The following ADGRG7 variants were observed in gnomAD, a reference collection of about 807,000 sequenced individuals.
The protein encoded by ADGRG7 is G-protein coupled receptor 128.
Under a neutral mutation model 88.6 loss-of-function variants are expected in ADGRG7, and 82 were observed. The observed-to-expected ratio is 0.93, with a 90% CI of 0.77 to 1.11. The LOEUF is 1.11. Among genes scored for constraint, ADGRG7 ranks in the 50% most tolerant of loss-of-function variants. ADGRG7 has a pLI of 0.00. For missense variants in ADGRG7, 945 were observed against 953.4 expected (o/e 0.99, Z 0.12); for synonymous variants, 381 against 345.2 (o/e 1.10, Z -1.15).
chr3:100,657,122 C>G (rs1188451837), intron 13 of ADGRG7, among the ~76,000 whole-genome samples: 1 of 152,114 alleles, frequency 6.6e-6, no homozygotes, highest in African/African-American at 2.4e-5. Context: ...CAGCTCCTTT[C>G]CTGATTACGG....
Position 100,643,400 on chromosome 3 carries a change from A to C in ADGRG7, c.833A>C (p.Gln278Pro). Reference sequence around the variant, plus strand: ...CCTTCAAATGTTCGCTTCTCTGTGCAGAAAGGTGAGCTGTTAATCTTATGT... The same window carrying C: ...CCTTCAAATGTTCGCTTCTCTGTGCCGAAAGGTGAGCTGTTAATCTTATGT... ...VGPSNVRFSVQKGASSSLVSS... is the reference protein window; with the variant it reads ...VGPSNVRFSVPKGASSSLVSS... The change falls in exon 7 of 16, where the codon CAG becomes CCG. Residue 278 changes from glutamine to proline, a missense_variant. Physicochemically the swap from Gln to Pro is moderately conservative, Grantham distance 76. Transcript: ENST00000273352. 2 of 1,613,932 alleles carry C rather than the reference A, an allele frequency of 1.2e-6. No individual in the cohort carries two copies. Among genetic ancestry groups the C allele is most frequent in the South Asian group, 1.1e-5 (1 of 91,034 alleles).
At chr3:100,621,970 T>C (rs1559670412) in intron 1 of ADGRG7, among the ~76,000 whole-genome samples, 1 of 152,200 alleles carries the variant, frequency 6.6e-6, no homozygotes, top group African/African-American at 2.4e-5. Flanking sequence ...CATTGGGTAT[T>C]AGACTCTCAT....
At chr3:100,667,883 C>T (rs535099799) in intron 14 of ADGRG7, among the ~76,000 whole-genome samples, 10 of 152,194 alleles carry the variant, frequency 6.6e-5, no homozygotes, top group Admixed American at 2.6e-4. Flanking sequence ...CCCAATTGGC[C>T]GCCCAGTTTT....
intron 15 of ADGRG7, among the ~76,000 whole-genome samples, chr3:100,691,264 C>A (rs2094993277): frequency 6.6e-6 from 1 of 152,186 alleles, no homozygotes; most frequent in African/African-American, 2.4e-5. Context: ...CCGTCTGTCA[C>A]CCCTTTCTTT....
At chr3:100,645,607 T>C (rs778815241) in intron 8 of ADGRG7, among the ~76,000 whole-genome samples, 10 of 152,212 alleles carry the variant, frequency 6.6e-5, no homozygotes, top group Non-Finnish European at 7.3e-5. Flanking sequence ...TTGTGTTCAC[T>C]CTCTCCATCT....
At chr3:100,638,783 G>A (rs1340706663) in intron 6 of ADGRG7, among the ~76,000 whole-genome samples, 1 of 151,830 alleles carries the variant, frequency 6.6e-6, no homozygotes, top group Non-Finnish European at 1.5e-5. Flanking sequence ...GATTACTGTT[G>A]GTTGAATATT....
rs746519567 is a variant in ADGRG7, at chr3:100,668,951, C to CA, written c.1989dup (p.Val664SerfsTer9). The CA allele has an allele frequency of 3.2e-6, 5 of 1,578,020 alleles. No homozygotes were observed. The African/African-American group carries it at 4.1e-5, about 13-fold the overall frequency. ...TTTTCTTGTTTTCTTTCACCTAGCA[C>CA]AAAAAAAGTTTCATCCATGAAGAAG... On this transcript the variant is annotated frameshift_variant, in exon 15 of 16. Transcript: ENST00000273352. LOFTEE classifies it high-confidence loss of function.
At chr3:100,682,067 C>T (rs1181637134) in intron 15 of ADGRG7, among the ~76,000 whole-genome samples, 1 of 152,172 alleles carries the variant, frequency 6.6e-6, no homozygotes, top group African/African-American at 2.4e-5. Flanking sequence ...GCCATGGCTC[C>T]GGCTGCAGTG....
chr3:100,651,225 G>T (rs2094929028), intron 11 of ADGRG7, among the ~76,000 whole-genome samples: 1 of 152,052 alleles, frequency 6.6e-6, no homozygotes, highest in African/African-American at 2.4e-5. Flanking sequence ...ATACACTGTT[G>T]GGGGGAAAAG....
chr3:100,685,471 CCCAT>C (rs1251538616), intron 15 of ADGRG7, among the ~76,000 whole-genome samples: 17 of 151,970 alleles, frequency 1.1e-4, no homozygotes, highest in Non-Finnish European at 1.6e-4. Context: ...GTGTGCTGCA[CCCAT>C]TAAGTCGTCA....
Position 100,655,097 on chromosome 3 carries a change from G to A in ADGRG7, c.1642G>A (p.Ala548Thr), listed in dbSNP as rs368926208. ...GACATTTACCTGGAACGCACTCAGCGCTGCACAGCTCTATTACCTTCTAAT... is the reference window on the plus strand; with the variant it reads ...GACATTTACCTGGAACGCACTCAGCACTGCACAGCTCTATTACCTTCTAAT... ...LVTFTWNALS[A>T]AQLYYLLIRT... The change falls in exon 12 of 16, where the codon GCT becomes ACT. Residue 548 changes from alanine to threonine, a missense_variant. By Grantham distance (58) the Ala-to-Thr change is moderately conservative. Transcript: ENST00000273352. The A allele has an allele frequency of 1.7e-5, 27 of 1,614,118 alleles. No individual in the cohort carries two copies. Among genetic ancestry groups the A allele is most frequent in the African/African-American group, 8.0e-5 (6 of 75,034 alleles).
At chr3:100,666,813 T>G (rs2094952453) in intron 14 of ADGRG7, among the ~76,000 whole-genome samples, 2 of 152,200 alleles carry the variant, frequency 1.3e-5, no homozygotes, top group African/African-American at 4.8e-5. Flanking sequence ...TGAGTGTTTG[T>G]GTCCCTGGGT....
At position 100,636,798 on chromosome 3, in the gene ADGRG7, A is replaced by C. The variant is rs998436721; in HGVS notation, c.598-504A>C. 3.9e-4 allele frequency among the ~76,000 whole-genome samples: 60 copies of C among 152,226 alleles called. 3 individuals carry two copies. The highest frequency in any genetic ancestry group is 1.5e-5 in the Non-Finnish European group (1 of 68,040). On this transcript the variant is annotated intron_variant, in intron 5 of 15. Coordinates refer to ENST00000273352, the MANE Select transcript of ADGRG7 (RefSeq NM_032787.3). ...AGGGCTTCAACACTCCCAAAGAGGG[A>C]AGATAAATAGTAATCAAATGCCAAA... is the stretch of plus-strand genomic sequence containing the variant.
At position 100,687,473 on chromosome 3, in the gene ADGRG7, T is replaced by C. The variant is rs575470971; in HGVS notation, c.2137-7271T>C. 2.6e-5 allele frequency among the ~76,000 whole-genome samples: 4 copies of C among 152,336 alleles called. No individual in the cohort carries two copies. In the South Asian group the frequency reaches 8.3e-4, roughly 32 times the overall value. On this transcript the variant is annotated intron_variant, in intron 15 of 15. Coordinates refer to ENST00000273352, the MANE Select transcript of ADGRG7 (RefSeq NM_032787.3). ...TTGTGCCAGTTTTCAAAGGGAATGC[T>C]TCCAGTTTTTGCCCATTCAGTATGA...
rs145195750 is a variant in ADGRG7 at position 100,689,992 on chromosome 3, C to T, written c.2137-4752C>T. ...TGTTTTCCAACTTGGTTCCTTTCTC[C>T]CCGTCACTTTCAGGTACACCAATCA... is the stretch of plus-strand genomic sequence containing the variant. On this transcript the variant is annotated intron_variant, in intron 15 of 15. Coordinates refer to ENST00000273352, the MANE Select transcript of ADGRG7 (RefSeq NM_032787.3). Among the ~76,000 whole-genome samples, 359 of 152,262 alleles carry T rather than the reference C, an allele frequency of 2.4e-3. 3 individuals are homozygous for T. Among genetic ancestry groups the T allele is most frequent in the African/African-American group, 8.3e-3 (345 of 41,526 alleles).
chr3:100,636,970 C>T (rs1488252045), intron 5 of ADGRG7, among the ~76,000 whole-genome samples: 1 of 152,120 alleles, frequency 6.6e-6, no homozygotes, highest in Non-Finnish European at 1.5e-5. Flanking sequence ...TTGCACTCTT[C>T]TTATTTTGTT....
intron 15 of ADGRG7, among the ~76,000 whole-genome samples, chr3:100,691,390 C>A (rs1288765132): frequency 6.6e-6 from 1 of 152,174 alleles, no homozygotes; most frequent in Non-Finnish European, 1.5e-5. Context: ...CTGTCTGGCA[C>A]TCCCCAGTGA....
At chr3:100,662,127 T>G (rs1406753050) in intron 14 of ADGRG7, among the ~76,000 whole-genome samples, 2 of 152,182 alleles carry the variant, frequency 1.3e-5, no homozygotes, top group African/African-American at 2.4e-5. Context: ...GTTCAAACAT[T>G]TTTTTAAGTA....
intron 1 of ADGRG7, among the ~76,000 whole-genome samples, chr3:100,621,742 T>A (rs1001886096): frequency 1.3e-5 from 2 of 152,236 alleles, no homozygotes; most frequent in African/African-American, 4.8e-5. Flanking sequence ...TGAAGATGAC[T>A]ACACTAAACA....
Sources: allele counts gnomAD v4.1 joint callset (sites outside exome capture counted in the v4.1 genomes callset), GRCh38; gene constraint gnomAD v4.1.1; transcripts MANE v1.5; gene names NCBI Gene and HGNC (gene_info 2026-07-23, HGNC 2026-07-21).